The following GRM8 variants were observed in gnomAD, a reference collection of about 807,000 sequenced individuals.
GRM8 encodes the protein glutamate metabotropic receptor 8.
A neutral mutation model predicts 87.2 loss-of-function variants in GRM8; 47 were observed. That is an observed-to-expected ratio of 0.54 (90% CI 0.43 to 0.69). The LOEUF (loss-of-function observed/expected upper bound fraction) is 0.69, where lower values mean the gene tolerates loss of function less well. GRM8 is among the 30% of genes least tolerant of loss of function. GRM8 has a pLI of 0.00. For missense variants in GRM8, 1,019 were observed against 1,139.2 expected (o/e 0.89, Z 1.52); for synonymous variants, 396 against 404.5 (o/e 0.98, Z 0.25).
rs1291776293 is a variant in GRM8, at chr7:126,827,946, C to T, written c.1157-57881G>A. 7.2e-5 allele frequency among the ~76,000 whole-genome samples: 11 copies of T among 152,202 alleles called. No homozygotes were observed. The South Asian group carries it at 1.2e-3, about 17-fold the overall frequency. ...AGGGTTGTTGAATTTTGTCAAAGGC[C>T]TTTTCTGCATCTATTGAGATAATCA... On this transcript the variant is annotated intron_variant, in intron 6 of 10. Transcript: ENST00000339582.
chr7:126,660,503 A>G (rs1005251829), intron 7 of GRM8, among the ~76,000 whole-genome samples: 2 of 152,206 alleles, frequency 1.3e-5, no homozygotes, highest in Admixed American at 1.3e-4. Flanking sequence ...TATTTTGAAT[A>G]AAACATATTG....
chr7:126,546,425 C>T (rs1045350394), intron 8 of GRM8, among the ~76,000 whole-genome samples: 11 of 152,102 alleles, frequency 7.2e-5, no homozygotes, highest in African/African-American at 2.2e-4. Flanking sequence ...CTATTAGGAA[C>T]ATCCCATCCA....
At chr7:127,248,268 C>G (rs1453185717) in intron 1 of GRM8, among the ~76,000 whole-genome samples, 1 of 152,218 alleles carries the variant, frequency 6.6e-6, no homozygotes, top group Non-Finnish European at 1.5e-5. Context: ...TTTCATTTCC[C>G]TCTAAAATAC....
chr7:126,520,727 A>C (rs557479655), intron 9 of GRM8, among the ~76,000 whole-genome samples: 1 of 152,224 alleles, frequency 6.6e-6, no homozygotes, highest in South Asian at 2.1e-4. Context: ...AAATATATAA[A>C]ATAATAAGAG....
chr7:126,944,978 G>T (rs186636792), intron 3 of GRM8, among the ~76,000 whole-genome samples: 26 of 152,312 alleles, frequency 1.7e-4, no homozygotes, highest in Admixed American at 8.5e-4. Flanking sequence ...TCAACTGTGA[G>T]TTAAGATATG....
At chr7:126,723,687 T>C (rs1812673872) in intron 7 of GRM8, among the ~76,000 whole-genome samples, 1 of 152,114 alleles carries the variant, frequency 6.6e-6, no homozygotes, top group Non-Finnish European at 1.5e-5. Flanking sequence ...GAAAGTGTAG[T>C]TATACTGAAA....
At chr7:126,910,223 T>G (rs753385408) in intron 3 of GRM8, among the ~76,000 whole-genome samples, 2 of 152,184 alleles carry the variant, frequency 1.3e-5, no homozygotes, top group Non-Finnish European at 2.9e-5. Flanking sequence ...TTTTCTGAGG[T>G]TCTTGTCTTC....
chr7:126,681,225 C>G (rs756118743), intron 7 of GRM8, among the ~76,000 whole-genome samples: 1 of 152,192 alleles, frequency 6.6e-6, no homozygotes, highest in Non-Finnish European at 1.5e-5. Flanking sequence ...AGCTAGCCCA[C>G]TAGAACTCCC....
chr7:127,085,496 G>A (rs1028605067), intron 3 of GRM8, among the ~76,000 whole-genome samples: 5 of 152,088 alleles, frequency 3.3e-5, no homozygotes, highest in Admixed American at 3.3e-4. Context: ...TTTAATGATC[G>A]CCATTCTAAC....
chr7:127,153,270 T>C (rs780441333), intron 2 of GRM8, among the ~76,000 whole-genome samples: 5 of 152,122 alleles, frequency 3.3e-5, no homozygotes, highest in Non-Finnish European at 5.9e-5. Flanking sequence ...ATCCAAGTGC[T>C]ATACCAAGCT....
chr7:127,200,469 A>G (rs1795526763), intron 2 of GRM8, among the ~76,000 whole-genome samples: 2 of 152,240 alleles, frequency 1.3e-5, no homozygotes, highest in African/African-American at 2.4e-5. Context: ...CAGGAGAAGT[A>G]TGGTGTGTAT....
At chr7:126,697,885 C>T (rs903880145) in intron 7 of GRM8, among the ~76,000 whole-genome samples, 1 of 152,118 alleles carries the variant, frequency 6.6e-6, no homozygotes, top group Non-Finnish European at 1.5e-5. Context: ...TGGCTGGAAC[C>T]CCAAGTTCAC....
chr7:126,470,570 T>C (rs1255277295), intron 9 of GRM8, among the ~76,000 whole-genome samples: 1 of 152,108 alleles, frequency 6.6e-6, no homozygotes, highest in African/African-American at 2.4e-5. Flanking sequence ...TATGCCACAT[T>C]TTCTTAATCC....
At chr7:127,095,000 G>T (rs1303864526) in intron 3 of GRM8, among the ~76,000 whole-genome samples, 1 of 152,174 alleles carries the variant, frequency 6.6e-6, no homozygotes, top group South Asian at 2.1e-4. Context: ...CCAGGATTCT[G>T]CTCAATGGCT....
At chr7:126,590,013 T>A (rs1157611542) in intron 8 of GRM8, among the ~76,000 whole-genome samples, 1 of 151,780 alleles carries the variant, frequency 6.6e-6, no homozygotes, top group Non-Finnish European at 1.5e-5. Flanking sequence ...CAGTAATGGA[T>A]CCAAAGCATG....
intron 2 of GRM8, among the ~76,000 whole-genome samples, chr7:127,121,383 T>A (rs1425217916): frequency 6.6e-6 from 1 of 152,082 alleles, no homozygotes; most frequent in Non-Finnish European, 1.5e-5. Context: ...GAATGAGTCT[T>A]CTCTGGTAGT....
In GRM8 at chr7:126,788,420, A is replaced by AAAAAAAAACAAAACAAAAAAAAAAAAAAC; in HGVS notation, c.1157-18356_1157-18355insGTTTTTTTTTTTTTTGTTTTGTTTTTTTT. Among the ~76,000 whole-genome samples, 56 of 81,132 alleles carry AAAAAAAAACAAAACAAAAAAAAAAAAAAC rather than the reference A, an allele frequency of 6.9e-4. 3 individuals carry two copies. The highest frequency in any genetic ancestry group is 2.6e-3 in the African/African-American group (56 of 21,822). 53.2% of individuals were successfully genotyped at this position (81,132 alleles called of 152,430 possible). A position where few individuals can be genotyped will look rare whatever the true frequency, so the allele number is the denominator to read the frequency against. On this transcript the variant is annotated intron_variant, in intron 6 of 10. Coordinates refer to ENST00000339582, the MANE Select transcript of GRM8 (RefSeq NM_000845.3). ...GCAAGACTCCATCTCAAAAAAAAAA[A>AAAAAAAAACAAAACAAAAAAAAAAAAAAC]AAACCCTTTCAGATATCTTTAACAT...
chr7:127,218,177 C>G (rs1796691084), intron 2 of GRM8, among the ~76,000 whole-genome samples: 1 of 152,244 alleles, frequency 6.6e-6, no homozygotes, highest in South Asian at 2.1e-4. Flanking sequence ...AACCAAAACA[C>G]TAACAGTGGC....
At chr7:126,635,323 C>G (rs925930441) in intron 7 of GRM8, among the ~76,000 whole-genome samples, 7 of 152,094 alleles carry the variant, frequency 4.6e-5, no homozygotes, top group South Asian at 2.1e-4. Context: ...GCTATTTATG[C>G]TCATATTGGT....
Sources: allele counts gnomAD v4.1 joint callset (sites outside exome capture counted in the v4.1 genomes callset), GRCh38; gene constraint gnomAD v4.1.1; transcripts MANE v1.5; gene names NCBI Gene and HGNC (gene_info 2026-07-23, HGNC 2026-07-21).